The following DRD2 variants were observed in gnomAD, a reference collection of about 807,000 sequenced individuals.
The protein encoded by DRD2 is dopamine receptor D2.
Under a neutral mutation model 38.0 loss-of-function variants are expected in DRD2, and 8 were observed. The observed-to-expected ratio is 0.21, with a 90% CI of 0.12 to 0.38. The LOEUF is 0.38. Ranked by LOEUF, DRD2 falls within the 10% of genes least tolerant of loss-of-function variation. DRD2 has a pLI of 1.00. For synonymous variants in DRD2, 230 were observed against 238.6 expected (o/e 0.96, Z 0.33); for missense variants, 403 against 607.7 (o/e 0.66, Z 3.54).
Position 113,424,478 on chromosome 11 carries a change from A to G in DRD2, c.174T>C (p.Ala58=). The G allele has an allele frequency of 1.2e-6, 2 of 1,614,244 alleles. No individual in the cohort carries two copies. Among genetic ancestry groups the G allele is most frequent in the Non-Finnish European group, 1.7e-6 (2 of 1,180,050 alleles). ...TCTGCAGCGCCTTCTCGCGGGACAC[A>G]GCCATGCACACCAGCACGTTGCCGA... ...IVFGNVLVCM[A]VSREKALQTT... The change falls in exon 2 of 8, where the codon GCT becomes GCC. Residue 58 remains alanine (A), a synonymous_variant. Coordinates refer to ENST00000362072, the MANE Select transcript of DRD2 (RefSeq NM_000795.4).
chr11:113,449,864 G>A (rs1411884013), intron 1 of DRD2, among the ~76,000 whole-genome samples: 1 of 152,222 alleles, frequency 6.6e-6, no homozygotes, highest in Non-Finnish European at 1.5e-5. Flanking sequence ...ATGGCTGAGA[G>A]CCAAGAAAGA....
At chr11:113,438,718 G>T (rs1316815252) in intron 1 of DRD2, among the ~76,000 whole-genome samples, 1 of 152,186 alleles carries the variant, frequency 6.6e-6, no homozygotes, top group Non-Finnish European at 1.5e-5. Flanking sequence ...TGAGAAAAAA[G>T]AAGTCCTACC....
chr11:113,440,772 C>T, intron 1 of DRD2, among the ~76,000 whole-genome samples: 1 of 152,174 alleles, frequency 6.6e-6, no homozygotes, highest in East Asian at 1.9e-4. Flanking sequence ...GGAGAGGGCA[C>T]CCCATTGGGA....
chr11:113,418,309 C>A (rs902521282), intron 2 of DRD2, among the ~76,000 whole-genome samples, 173 bp from the exon 3 acceptor site: 5 of 152,122 alleles, frequency 3.3e-5, no homozygotes, highest in Admixed American at 6.5e-5. Context: ...GAGGCCCTTG[C>A]CCCTCGCTTA....
chr11:113,448,890 A>G (rs192329341), intron 1 of DRD2, among the ~76,000 whole-genome samples: 1 of 152,070 alleles, frequency 6.6e-6, no homozygotes. Context: ...CAAATTCAAG[A>G]GTTTCTTCTC....
rs1427398703 is a variant in DRD2, at chr11:113,424,659, G to T, written c.-8C>A. On this transcript the variant is annotated 5_prime_UTR_variant, in exon 2 of 8. Transcript: ENST00000362072. ...CAGATTCAGTGGATCCATCAGGGCG[G>T]TGGAGCCACTGGGTGGCCAGGCTCT... 5 of 1,613,866 alleles carry T rather than the reference G, an allele frequency of 3.1e-6. No individual in the cohort carries two copies. The African/African-American group carries it at 6.7e-5, about 22-fold the overall frequency.
At chr11:113,431,163 C>T (rs1950983406) in intron 1 of DRD2, among the ~76,000 whole-genome samples, 1 of 152,192 alleles carries the variant, frequency 6.6e-6, no homozygotes, top group African/African-American at 2.4e-5. Context: ...GCACCAAATA[C>T]ATGCATGGAC....
intron 1 of DRD2, among the ~76,000 whole-genome samples, chr11:113,465,939 C>T (rs1348363630): frequency 6.6e-6 from 1 of 152,216 alleles, no homozygotes; most frequent in Non-Finnish European, 1.5e-5. Flanking sequence ...GCTTACCATG[C>T]ATCAGGTACT....
intron 4 of DRD2, among the ~76,000 whole-genome samples, chr11:113,416,630 T>C (rs1014368346): frequency 6.6e-6 from 1 of 152,154 alleles, no homozygotes; most frequent in Non-Finnish European, 1.5e-5. Flanking sequence ...TTATCCCCAC[T>C]CCTCATCCAA....
intron 1 of DRD2, among the ~76,000 whole-genome samples, chr11:113,439,516 A>T (rs1032716317): frequency 2.0e-5 from 3 of 152,116 alleles, no homozygotes; most frequent in Non-Finnish European, 4.4e-5. Context: ...GAGAATATTT[A>T]ATCTAATCTC....
At chr11:113,418,741 C>G (rs376316829) in intron 2 of DRD2, among the ~76,000 whole-genome samples, 15 of 152,262 alleles carry the variant, frequency 9.9e-5, no homozygotes, top group Admixed American at 3.9e-4. Flanking sequence ...AGAGATCACC[C>G]CTGTAGCCCA....
intron 1 of DRD2, among the ~76,000 whole-genome samples, chr11:113,442,342 G>A (rs1463586618): frequency 2.0e-5 from 3 of 152,214 alleles, no homozygotes; most frequent in African/African-American, 7.2e-5. Flanking sequence ...TGTGCCCCGT[G>A]TTTTATAATA....
intron 1 of DRD2, among the ~76,000 whole-genome samples, chr11:113,445,352 C>T (rs1951136086): frequency 6.6e-6 from 1 of 152,160 alleles, no homozygotes; most frequent in Admixed American, 6.5e-5. Flanking sequence ...AAAACGTTCA[C>T]TTTAGGGGAA....
intron 1 of DRD2, 141 bp from the exon 2 acceptor site, chr11:113,424,823 A>G (rs952645151): frequency 2.3e-5 from 19 of 839,796 alleles, no homozygotes; most frequent in Non-Finnish European, 3.3e-5. Context: ...ATTTTCTAAA[A>G]ATGTTGGGCC....
At chr11:113,473,252 A>G (rs947331314) in intron 1 of DRD2, among the ~76,000 whole-genome samples, 4 of 152,208 alleles carry the variant, frequency 2.6e-5, no homozygotes, top group African/African-American at 9.6e-5. Flanking sequence ...AAATGTATAC[A>G]GACTCTCTAA....
chr11:113,467,313 C>A (rs777614680), intron 1 of DRD2, among the ~76,000 whole-genome samples: 1 of 152,126 alleles, frequency 6.6e-6, no homozygotes, highest in Non-Finnish European at 1.5e-5. Flanking sequence ...GAGTCCTCCC[C>A]AAGAAGGGAT....
At chr11:113,466,906 A>G (rs1951375436) in intron 1 of DRD2, among the ~76,000 whole-genome samples, 1 of 152,216 alleles carries the variant, frequency 6.6e-6, no homozygotes, top group African/African-American at 2.4e-5. Context: ...TTAAGCATTA[A>G]GTTGGCTCCT....
chr11:113,412,164 C>A, intron 7 of DRD2: 1 of 285,360 alleles, frequency 3.5e-6, no homozygotes. Flanking sequence ...CTTTCACCAA[C>A]TGATTGCCAT....
intron 2 of DRD2, among the ~76,000 whole-genome samples, chr11:113,420,879 T>C (rs907523395): frequency 1.3e-5 from 2 of 152,166 alleles, no homozygotes; most frequent in Non-Finnish European, 2.9e-5. Flanking sequence ...CCCAAGGCTC[T>C]TTTCTTCACA....
Sources: allele counts gnomAD v4.1 joint callset (sites outside exome capture counted in the v4.1 genomes callset), GRCh38; gene constraint gnomAD v4.1.1; transcripts MANE v1.5; gene names NCBI Gene and HGNC (gene_info 2026-07-23, HGNC 2026-07-21).